CEP128: variants seen among roughly 807,000 people sequenced by gnomAD.
CEP128 encodes the protein centrosomal protein 128.
Under a neutral mutation model 156.7 loss-of-function variants are expected in CEP128, and 132 were observed. The ratio of observed to expected loss-of-function variants is 0.84; its 90% CI spans 0.73 to 0.97. CEP128 has a LOEUF of 0.97. CEP128 is among the 50% of genes least tolerant of loss of function. CEP128 has a pLI of 0.00. For missense variants in CEP128, 1,252 were observed against 1,281.9 expected (o/e 0.98, Z 0.36); for synonymous variants, 469 against 448.9 (o/e 1.04, Z -0.57).
At chr14:80,875,156 G>A (rs931791179) in intron 8 of CEP128, among the ~76,000 whole-genome samples, 2 of 152,112 alleles carry the variant, frequency 1.3e-5, no homozygotes, top group African/African-American at 4.8e-5. Flanking sequence ...GCAAGTAATG[G>A]GTCCCTGATT....
chr14:80,540,686 C>T (rs1403819159), intron 21 of CEP128, among the ~76,000 whole-genome samples: 1 of 152,124 alleles, frequency 6.6e-6, no homozygotes, highest in African/African-American at 2.4e-5. Context: ...AGACTGCTAG[C>T]CCCTCACCCC....
At chr14:80,531,206 C>T (rs1889210737) in intron 21 of CEP128, among the ~76,000 whole-genome samples, 1 of 152,120 alleles carries the variant, frequency 6.6e-6, no homozygotes, top group Non-Finnish European at 1.5e-5. Flanking sequence ...AATTTACAAA[C>T]CTGCTTCAGT....
At chr14:80,561,896 C>CTACATA (rs1555375122) in intron 20 of CEP128, among the ~76,000 whole-genome samples, 1 of 142,266 alleles carries the variant, frequency 7.0e-6, no homozygotes, top group African/African-American at 2.7e-5. Flanking sequence ...ATACGAAGGT[C>CTACATA]TATATATATA....
At chr14:80,604,811 T>C (rs1342449835) in intron 19 of CEP128, among the ~76,000 whole-genome samples, 1 of 152,132 alleles carries the variant, frequency 6.6e-6, no homozygotes, top group African/African-American at 2.4e-5. Context: ...CAGAATATTG[T>C]ATATACTTTT....
At chr14:80,943,330 G>A (rs1398038678), upstream of CEP128, among the ~76,000 whole-genome samples, 1 of 152,176 alleles carries the variant, frequency 6.6e-6, no homozygotes, top group Non-Finnish European at 1.5e-5. Flanking sequence ...TACTGCATAG[G>A]TTTGTATGGA....
At chr14:80,485,563 C>A (rs1449715013), downstream of CEP128, among the ~76,000 whole-genome samples, 1 of 152,076 alleles carries the variant, frequency 6.6e-6, no homozygotes, top group African/African-American at 2.4e-5. Context: ...GTCTAGCTAA[C>A]CAACTTTATC....
intron 21 of CEP128, among the ~76,000 whole-genome samples, chr14:80,542,886 C>T (rs1395859206): frequency 6.6e-6 from 1 of 152,066 alleles, no homozygotes; most frequent in African/African-American, 2.4e-5. Context: ...TTTAAAAGCG[C>T]CTTGGTGAGG....
intron 2 of CEP128, chr14:80,955,653 G>T: frequency 6.2e-7 from 1 of 1,613,182 alleles, no homozygotes; most frequent in Non-Finnish European, 8.5e-7. Flanking sequence ...TTCGGAGGAT[G>T]GAGAAATAGC....
chr14:80,931,218 T>C (rs1418869393), intron 2 of CEP128, among the ~76,000 whole-genome samples: 1 of 152,230 alleles, frequency 6.6e-6, no homozygotes, highest in East Asian at 1.9e-4. Context: ...AAAACCACAT[T>C]GGTCATTTTG....
intron 8 of CEP128, among the ~76,000 whole-genome samples, chr14:80,891,480 C>G (rs147574065): frequency 2.5e-4 from 37 of 149,728 alleles, no homozygotes; most frequent in African/African-American, 7.6e-4. Flanking sequence ...CATGTAGGAG[C>G]TAAAAATTAA....
rs568457192 is a variant in CEP128, at chr14:80,615,809, T to C, written c.2807-35386A>G. ...GTTGCACTGAGCCAAGATGGCGCCA[T>C]TGCACTCCAGCCTGGGCAACAAGAG... On this transcript the variant is annotated intron_variant, in intron 19 of 24. Coordinates refer to ENST00000555265, the MANE Select transcript of CEP128 (RefSeq NM_152446.5). Among the ~76,000 whole-genome samples the C allele has an allele frequency of 9.2e-5, 14 of 152,022 alleles. No homozygotes were observed. The South Asian group carries it at 2.9e-3, about 32-fold the overall frequency.
intron 2 of CEP128, among the ~76,000 whole-genome samples, chr14:80,950,029 A>G (rs1049345152): frequency 1.3e-5 from 2 of 152,220 alleles, no homozygotes; most frequent in African/African-American, 4.8e-5. Flanking sequence ...CGATATTTAA[A>G]TTAAGTTGAG....
At chr14:80,676,668 A>G (rs998571571) in intron 19 of CEP128, among the ~76,000 whole-genome samples, 2 of 152,138 alleles carry the variant, frequency 1.3e-5, no homozygotes, top group African/African-American at 4.8e-5. Flanking sequence ...AGGATGTTTC[A>G]AAGATTTTTT....
chr14:80,702,861 A>G (rs1897119869), intron 19 of CEP128, among the ~76,000 whole-genome samples: 1 of 152,184 alleles, frequency 6.6e-6, no homozygotes, highest in South Asian at 2.1e-4. Context: ...AAAATTCAAG[A>G]CATAAGAAAC....
chr14:80,649,469 G>A (rs567044125), intron 19 of CEP128, among the ~76,000 whole-genome samples: 2 of 152,082 alleles, frequency 1.3e-5, no homozygotes, highest in Non-Finnish European at 2.9e-5. Flanking sequence ...AGAAAAAAGA[G>A]ATTAAAAAAA....
intron 19 of CEP128, among the ~76,000 whole-genome samples, chr14:80,620,223 G>T (rs1369541970): frequency 1.3e-5 from 2 of 152,038 alleles, no homozygotes; most frequent in African/African-American, 4.8e-5. Flanking sequence ...AAAGATAAAA[G>T]GTACTAAAAA....
chr14:80,594,622 T>C (rs931034969), intron 19 of CEP128, among the ~76,000 whole-genome samples: 12 of 151,540 alleles, frequency 7.9e-5, no homozygotes, highest in Admixed American at 2.0e-4. Flanking sequence ...AACAAATTTA[T>C]AAGAAAAAAA....
At chr14:80,632,984 C>T (rs1046331878) in intron 19 of CEP128, among the ~76,000 whole-genome samples, 8 of 151,926 alleles carry the variant, frequency 5.3e-5, no homozygotes, top group African/African-American at 9.7e-5. Flanking sequence ...TCCAGTACTT[C>T]GGGAGGCTGG....
intron 19 of CEP128, among the ~76,000 whole-genome samples, chr14:80,604,365 C>T (rs927918490): frequency 5.3e-5 from 8 of 152,070 alleles, no homozygotes; most frequent in African/African-American, 1.4e-4. Context: ...GTTTTAATAT[C>T]CTCGATGGAT....
Sources: allele counts gnomAD v4.1 joint callset (sites outside exome capture counted in the v4.1 genomes callset), GRCh38; gene constraint gnomAD v4.1.1; transcripts MANE v1.5; gene names NCBI Gene and HGNC (gene_info 2026-07-23, HGNC 2026-07-21).